The following SLC35E3 variants were observed in gnomAD, a reference collection of about 807,000 sequenced individuals.
SLC35E3 encodes the protein solute carrier family 35 member E3.
Under a neutral mutation model 30.8 loss-of-function variants are expected in SLC35E3, and 28 were observed. The ratio of observed to expected loss-of-function variants is 0.91; its 90% CI spans 0.67 to 1.25. The LOEUF (loss-of-function observed/expected upper bound fraction) is 1.25, where lower values mean the gene tolerates loss of function less well. Among genes scored for constraint, SLC35E3 ranks in the 50% most tolerant of loss-of-function variants. The probability of loss-of-function intolerance (pLI) is 0.00; values close to 1 mark genes in which losing one functional copy is unlikely to be tolerated. For synonymous variants in SLC35E3, 146 were observed against 149.2 expected, an observed-to-expected ratio of 0.98 and a Z score of 0.16; for missense variants, 365 against 375.4, an observed-to-expected ratio of 0.97 and a Z score of 0.23.
In SLC35E3 at chr12:68,778,204, G is replaced by A. The variant is rs1281267993; in HGVS notation, c.*13314G>A. On this transcript the variant is annotated 3_prime_UTR_variant, in exon 5 of 5. Transcript: ENST00000398004. ...AATTTGAGGCAAAAAGTGTTAATAG[G>A]ATCAAGATTTTTTTTTTTAAAGAAC... is the stretch of plus-strand genomic sequence containing the variant. The A allele has an allele frequency of 6.6e-6, 1 of 152,002 alleles. No individual in the cohort carries two copies. Among genetic ancestry groups the A allele is most frequent in the African/African-American group, 2.4e-5 (1 of 41,408 alleles). The allele number at this position is 152,002 out of a possible 1,614,324, so 9.4% of individuals were successfully genotyped here.
chr12:68,749,031 T>A (rs1878696608), intron 2 of SLC35E3, among the ~76,000 whole-genome samples: 2 of 152,244 alleles, frequency 1.3e-5, no homozygotes, highest in South Asian at 4.1e-4. Flanking sequence ...TTCCTATTCA[T>A]CTTTCTTGTT....
chr12:68,752,284 T>A, intron 3 of SLC35E3, 94 bp downstream of exon 3: 2 of 1,160,046 alleles, frequency 1.7e-6, no homozygotes, highest in Non-Finnish European at 2.4e-6. Flanking sequence ...CTATGTCCGA[T>A]CCATTCTCAC....
intron 3 of SLC35E3, among the ~76,000 whole-genome samples, chr12:68,757,411 A>G (rs116447346): frequency 6.6e-6 from 1 of 152,350 alleles, no homozygotes; most frequent in African/African-American, 2.4e-5. Flanking sequence ...ATATCATTTT[A>G]TCTAAATTCA....
intron 1 of SLC35E3, among the ~76,000 whole-genome samples, chr12:68,747,601 A>G (rs1387549516): frequency 6.6e-6 from 1 of 151,978 alleles, no homozygotes; most frequent in East Asian, 1.9e-4. Flanking sequence ...TTATTGTTTT[A>G]TATTTATGCT....
At chr12:68,755,940 G>A (rs1878984273) in intron 3 of SLC35E3, among the ~76,000 whole-genome samples, 1 of 152,052 alleles carries the variant, frequency 6.6e-6, no homozygotes, top group Admixed American at 6.6e-5. Context: ...TTACTGATGA[G>A]GAAACCGAGA....
At chr12:68,752,249 A>C (rs1878831958) in intron 3 of SLC35E3, 59 bp downstream of exon 3, 1 of 1,467,134 alleles carries the variant, frequency 6.8e-7, no homozygotes, top group Admixed American at 2.4e-5. Flanking sequence ...CTCCATTATT[A>C]ATGTAATTTT....
Position 68,752,049 on chromosome 12 carries a change from G to C in SLC35E3, c.531G>C (p.Gln177His). Residue 177 changes from glutamine (Q) to histidine (H), a missense_variant, in exon 3 of 5, where the codon CAG becomes CAC. By Grantham distance (24) the Gln-to-His change is conservative. Transcript: ENST00000398004. The part of the protein sequence containing the change: ...SLYQVWVGAK[Q>H]HELQVNSMQL... ...ATTTTCAGTGGGTAGGAGCCAAACA[G>C]CATGAATTACAAGTGAACTCAATGC... 1.9e-6 allele frequency: 3 copies of C among 1,600,812 alleles called. No individual in the cohort carries two copies. The highest frequency in any genetic ancestry group is 2.6e-6 in the Non-Finnish European group (3 of 1,175,892).
Position 68,769,274 on chromosome 12 carries a change from A to G in SLC35E3, c.*4384A>G, listed in dbSNP as rs1473232337. On this transcript the variant is annotated 3_prime_UTR_variant, in exon 5 of 5. Transcript: ENST00000398004. ...ATAATAATAATAACAAAGCAGCAAC[A>G]TTAATCAAGCACTCTGTATTCACTC... 1 of 152,082 alleles carries G rather than the reference A, an allele frequency of 6.6e-6. No homozygotes were observed. The highest frequency in any genetic ancestry group is 1.5e-5 in the Non-Finnish European group (1 of 68,042). 9.4% of individuals were successfully genotyped at this position (152,082 alleles called of 1,614,324 possible). A position where few individuals can be genotyped will look rare whatever the true frequency, so the allele number is the denominator to read the frequency against.
At chr12:68,752,794 G>A (rs1408558062) in intron 3 of SLC35E3, among the ~76,000 whole-genome samples, 3 of 151,964 alleles carry the variant, frequency 2.0e-5, no homozygotes, top group Non-Finnish European at 1.5e-5. Context: ...TCACTTGTCA[G>A]GAGTTCAAGA....
In SLC35E3 at chr12:68,769,312, C is replaced by T. The variant is rs1352306296; in HGVS notation, c.*4422C>T. On this transcript the variant is annotated 3_prime_UTR_variant, in exon 5 of 5. Transcript: ENST00000398004. ...TCTGTATTCACTCCGTCAGTAAATA[C>T]TGTCGGGTGAATGACTGCAGAATGG... The T allele has an allele frequency of 1.3e-5, 2 of 151,858 alleles. No homozygotes were observed. Among genetic ancestry groups the T allele is most frequent in the Non-Finnish European group, 2.9e-5 (2 of 68,022 alleles). 9.4% of individuals were successfully genotyped at this position (151,858 alleles called of 1,614,324 possible). A position where few individuals can be genotyped will look rare whatever the true frequency, so the allele number is the denominator to read the frequency against.
intron 3 of SLC35E3, among the ~76,000 whole-genome samples, chr12:68,753,012 G>A (rs1445407513): frequency 6.6e-6 from 1 of 151,580 alleles, no homozygotes; most frequent in Non-Finnish European, 1.5e-5. Flanking sequence ...CAGGCGTGGT[G>A]GCACACACCT....
In SLC35E3 at chr12:68,764,986, G is replaced by T. The variant is rs561574191; in HGVS notation, c.*96G>T. ...AAAAAAAAAAATTGGGCCAGGCACGGTGGCTCACGCCTGTAATCCCAGCAC... is the reference window on the plus strand; with the variant it reads ...AAAAAAAAAAATTGGGCCAGGCACGTTGGCTCACGCCTGTAATCCCAGCAC... On this transcript the variant is annotated 3_prime_UTR_variant, in exon 5 of 5. Transcript: ENST00000398004. 7.7e-5 allele frequency: 94 copies of T among 1,223,920 alleles called. 1 individual carries two copies. Among genetic ancestry groups the T allele is most frequent in the Middle Eastern group, 6.2e-4 (3 of 4,848 alleles). 75.8% of individuals were successfully genotyped at this position (1,223,920 alleles called of 1,614,324 possible). A position where few individuals can be genotyped will look rare whatever the true frequency, so the allele number is the denominator to read the frequency against.
chr12:68,756,185 C>T (rs1048697956), intron 3 of SLC35E3, among the ~76,000 whole-genome samples: 1 of 151,782 alleles, frequency 6.6e-6, no homozygotes, highest in Admixed American at 6.6e-5. Context: ...TCCTAGCCAT[C>T]CTGGTTATCT....
At chr12:68,757,337 A>G (rs543737894) in intron 3 of SLC35E3, among the ~76,000 whole-genome samples, 3 of 152,322 alleles carry the variant, frequency 2.0e-5, no homozygotes, top group Admixed American at 1.3e-4. Context: ...GTTTTTAATG[A>G]TGTGCCAAGT....
chr12:68,762,944 G>A (rs1188274624), intron 4 of SLC35E3, among the ~76,000 whole-genome samples: 1 of 151,990 alleles, frequency 6.6e-6, no homozygotes, highest in Non-Finnish European at 1.5e-5. Context: ...TGAACACTGA[G>A]CTCTGCCACT....
intron 4 of SLC35E3, among the ~76,000 whole-genome samples, chr12:68,760,493 T>C (rs1222295565): frequency 6.6e-6 from 1 of 152,226 alleles, no homozygotes; most frequent in East Asian, 1.9e-4. Context: ...AAGTCTGTCA[T>C]TTTTGTTTAT....
At chr12:68,756,440 CTTTT>C (rs61603177) in intron 3 of SLC35E3, among the ~76,000 whole-genome samples, 1 of 143,854 alleles carries the variant, frequency 7.0e-6, no homozygotes, top group African/African-American at 2.5e-5. Flanking sequence ...GTCAACTCAA[CTTTT>C]TTTTTTTTTT....
chr12:68,761,859 C>A lies in SLC35E3; in HGVS notation c.755+2620C>A, dbSNP rs78124117. 7.4e-4 allele frequency among the ~76,000 whole-genome samples: 113 copies of A among 152,212 alleles called. No homozygotes were observed. In the East Asian group the frequency reaches 0.011, roughly 15 times the overall value. On this transcript the variant is annotated intron_variant, in intron 4 of 4. Coordinates refer to ENST00000398004, the MANE Select transcript of SLC35E3 (RefSeq NM_018656.5). ...CAAGGCTGATTTACATGGTTTTTGA[C>A]CTGAGCACCTGGTAGAATGGAGTTG...
At position 68,779,591 on chromosome 12, in the gene SLC35E3, C is replaced by A. The variant is rs925702905; in HGVS notation, c.*14701C>A. ...GCTTAACAAGGGGGAATTGAGGAAG[C>A]CATTTGCAAAACTTCACAGGAAAGT... On this transcript the variant is annotated 3_prime_UTR_variant, in exon 5 of 5. Coordinates refer to ENST00000398004, the MANE Select transcript of SLC35E3 (RefSeq NM_018656.5). The A allele has an allele frequency of 2.0e-5, 3 of 152,016 alleles. No individual in the cohort carries two copies. The highest frequency in any genetic ancestry group is 4.4e-5 in the Non-Finnish European group (3 of 68,016). The allele number at this position is 152,016 out of a possible 1,614,324, so 9.4% of individuals were successfully genotyped here.
Sources: allele counts gnomAD v4.1 joint callset (sites outside exome capture counted in the v4.1 genomes callset), GRCh38; gene constraint gnomAD v4.1.1; transcripts MANE v1.5; gene names NCBI Gene and HGNC (gene_info 2026-07-23, HGNC 2026-07-21).